COL17A1: variants seen among roughly 807,000 people sequenced by gnomAD.
COL17A1 encodes collagen alpha-1(XVII) chain.
A neutral mutation model predicts 218.4 loss-of-function variants in COL17A1; 181 were observed. The ratio of observed to expected loss-of-function variants is 0.83; its 90% CI spans 0.73 to 0.94. COL17A1 has a LOEUF of 0.94. Among genes scored for constraint, COL17A1 ranks in the 40% least tolerant of loss-of-function variants. COL17A1 has a pLI of 0.00. For missense variants in COL17A1, 1,924 were observed against 1,945.9 expected (o/e 0.99, Z 0.21); for synonymous variants, 721 against 731.0 (o/e 0.99, Z 0.22).
chr10:104,057,439 T>TAAAAAAAAA, intron 16 of COL17A1, among the ~76,000 whole-genome samples: 1 of 10,302 alleles, frequency 9.7e-5, no homozygotes, highest in Non-Finnish European at 7.8e-3. Flanking sequence ...AACATGGGGT[T>TAAAAAAAAA]AAAAGATTGC....
intron 9 of COL17A1, among the ~76,000 whole-genome samples, chr10:104,068,435 T>C (rs1209724478): frequency 3.3e-5 from 5 of 152,226 alleles, no homozygotes; most frequent in Admixed American, 1.3e-4. Context: ...ATGGCTATGC[T>C]GTCATTAATG....
intron 20 of COL17A1, 91 bp downstream of exon 20, chr10:104,054,890 A>C (rs764942228): frequency 1.0e-5 from 16 of 1,586,368 alleles, no homozygotes; most frequent in Non-Finnish European, 1.4e-5. Flanking sequence ...TACTTCTTGG[A>C]GTGCAAGGTG....
At chr10:104,032,347 T>C in intron 55 of COL17A1, 57 bp from the exon 56 acceptor site, 2 of 1,510,006 alleles carry the variant, frequency 1.3e-6, no homozygotes, top group South Asian at 2.2e-5. Flanking sequence ...TGTGGGGATC[T>C]TGGCTTGGGC....
At chr10:104,048,028 G>C (rs750589432) in intron 30 of COL17A1, 41 bp downstream of exon 30, 2 of 1,613,088 alleles carry the variant, frequency 1.2e-6, no homozygotes, top group Admixed American at 1.7e-5. Context: ...AACAGGGGCT[G>C]TGACGGGAGT....
intron 33 of COL17A1, 136 bp from the exon 34 acceptor site, chr10:104,043,996 G>T: frequency 2.1e-6 from 2 of 938,088 alleles, no homozygotes; most frequent in South Asian, 1.3e-5. Context: ...GCATTTTAAT[G>T]AACTGAAGGA....
At chr10:104,052,361 G>C (rs1409684706) in intron 23 of COL17A1, 144 bp from the exon 24 acceptor site, 20 of 991,024 alleles carry the variant, frequency 2.0e-5, no homozygotes, top group Non-Finnish European at 3.2e-5. Flanking sequence ...CCACTTATCA[G>C]CAAAACTCCT....
At position 104,055,600 on chromosome 10, in the gene COL17A1, G is replaced by T. The variant is rs114386946; in HGVS notation, c.1687+182C>A. 6.2e-3 allele frequency among the ~76,000 whole-genome samples: 949 copies of T among 152,232 alleles called. 11 individuals are homozygous for T. Among genetic ancestry groups the T allele is most frequent in the African/African-American group, 0.022 (924 of 41,526 alleles). On this transcript the variant is annotated intron_variant, in intron 18 of 55. Coordinates refer to ENST00000648076, the MANE Select transcript of COL17A1 (RefSeq NM_000494.4). ...TCTTTCCAGAACTCAGTTTTTCCAG[G>T]AGTAAAGTGGGACCACAGTCTTGGT...
In COL17A1 at chr10:104,031,344, T is replaced by C. The variant is rs955970553; in HGVS notation, c.*891A>G. On this transcript the variant is annotated 3_prime_UTR_variant, in exon 56 of 56. Coordinates refer to ENST00000648076, the MANE Select transcript of COL17A1 (RefSeq NM_000494.4). ...TTACGATTGAAATGATGTTTCATCT[T>C]ATAGACCACAAACAAATGTTTTTAG... 6.6e-6 allele frequency: 1 copy of C among 152,640 alleles called. No individual in the cohort carries two copies. Among genetic ancestry groups the C allele is most frequent in the Non-Finnish European group, 1.5e-5 (1 of 68,030 alleles). The allele number at this position is 152,640 out of a possible 1,614,324, so 9.5% of individuals were successfully genotyped here. A position where few individuals can be genotyped will look rare whatever the true frequency, so the allele number is the denominator to read the frequency against.
intron 20 of COL17A1, 47 bp from the exon 21 acceptor site, chr10:104,054,165 G>A (rs1483193375): frequency 2.5e-6 from 4 of 1,582,600 alleles, no homozygotes; most frequent in Non-Finnish European, 3.4e-6. Flanking sequence ...AGAAGACTGT[G>A]CCCAATTCCC....
chr10:104,065,136 C>T (rs1027942144), intron 9 of COL17A1, among the ~76,000 whole-genome samples: 1 of 152,186 alleles, frequency 6.6e-6, no homozygotes, highest in African/African-American at 2.4e-5. Context: ...TCCTATGTAC[C>T]AGCCAGACAC....
In COL17A1 at chr10:104,050,143, A is replaced by T. The variant is rs2086454060; in HGVS notation, c.2129-19T>A. 1 of 1,613,820 alleles carries T rather than the reference A, an allele frequency of 6.2e-7. No individual in the cohort carries two copies. The highest frequency in any genetic ancestry group is 8.5e-7 in the Non-Finnish European group (1 of 1,179,872). ...TGGTCACCTAAAGCAAACAAGGGGG[A>T]GGTGGAAAAAGCCACAGTTGTGAGC... On this transcript the variant is annotated intron_variant, in intron 27 of 55. Transcript: ENST00000648076.
intron 36 of COL17A1, among the ~76,000 whole-genome samples, chr10:104,042,217 T>C (rs753326860): frequency 1.3e-5 from 2 of 152,170 alleles, no homozygotes; most frequent in Non-Finnish European, 2.9e-5. Flanking sequence ...CCTGGTCCTC[T>C]TGTAATCCCA....
chr10:104,046,735 C>T lies in COL17A1; in HGVS notation c.2362+12G>A, dbSNP rs1353045839. The T allele has an allele frequency of 6.2e-7, 1 of 1,613,822 alleles. No individual in the cohort carries two copies. On this transcript the variant is annotated intron_variant, in intron 32 of 55. Transcript: ENST00000648076. ...GTGGGAGACAGCAGGTGGGAATGAT[C>T]CAGCGACTCACCCTGAGGTCCCTGG...
At position 104,049,406 on chromosome 10, in the gene COL17A1, T is replaced by A; in HGVS notation, c.2227+3A>T. 6.2e-7 allele frequency: 1 copy of A among 1,613,948 alleles called. No homozygotes were observed. The highest frequency in any genetic ancestry group is 2.2e-5 in the East Asian group (1 of 44,878). On this transcript the variant is annotated splice_donor_region_variant and intron_variant, in intron 29 of 55. Transcript: ENST00000648076. ...ACTGAATCCATTCCTTTGGAACACT[T>A]ACCCATTGCTCCTTTAGCCCCGGGC...
chr10:104,033,914 C>T (rs1837959540), intron 52 of COL17A1, 31 bp downstream of exon 52: 3 of 1,613,914 alleles, frequency 1.9e-6, no homozygotes, highest in East Asian at 2.2e-5. Context: ...CTCCTTCCCC[C>T]CAGCACCAAG....
intron 38 of COL17A1, 51 bp downstream of exon 38, chr10:104,041,252 C>T (rs1233565868): frequency 2.5e-6 from 4 of 1,600,354 alleles, no homozygotes; most frequent in South Asian, 1.1e-5. Context: ...CCCATTGCTA[C>T]CCACCTCTCA....
intron 11 of COL17A1, among the ~76,000 whole-genome samples, chr10:104,063,328 A>T (rs1185456853): frequency 6.6e-6 from 1 of 152,202 alleles, no homozygotes; most frequent in East Asian, 1.9e-4. Context: ...CAATATAGTT[A>T]CTCCAACAAA....
Position 104,064,520 on chromosome 10 carries a change from C to A in COL17A1, c.684G>T (p.Gly228=). The A allele has an allele frequency of 6.2e-7, 1 of 1,614,110 alleles. No homozygotes were observed. Among genetic ancestry groups the A allele is most frequent in the Non-Finnish European group, 8.5e-7 (1 of 1,180,026 alleles). ...TGTTGTGATAGGTCCCCATGGAGGA[C>A]CCCGCGGGCAGGGTGGAGGACCACA... ...SHVWSSTLPA[G]SSMGTYHNNM... Residue 228 remains glycine, a synonymous_variant, in exon 10 of 56, where the codon GGG becomes GGT. Coordinates refer to ENST00000648076, the MANE Select transcript of COL17A1 (RefSeq NM_000494.4).
rs777860088 is a variant in COL17A1, at chr10:104,043,523, G to A, written c.2493C>T (p.Pro831=). The part of the protein sequence containing the change: ...GPPGPPGAMG[P]PGPPGAPGPA... ...GACCTGGGGCACCTGGAGGTCCTGGGGGTCCCATGGCTCCAGGAGGTCCTG... is the reference window on the plus strand; with the variant it reads ...GACCTGGGGCACCTGGAGGTCCTGGAGGTCCCATGGCTCCAGGAGGTCCTG... The change falls in exon 35 of 56, where the codon CCC becomes CCT. Residue 831 remains proline, a synonymous_variant. Coordinates refer to ENST00000648076, the MANE Select transcript of COL17A1 (RefSeq NM_000494.4). 1 of 1,610,674 alleles carries A rather than the reference G, an allele frequency of 6.2e-7. No homozygotes were observed. The highest frequency in any genetic ancestry group is 8.5e-7 in the Non-Finnish European group (1 of 1,179,938).
Sources: allele counts gnomAD v4.1 joint callset (sites outside exome capture counted in the v4.1 genomes callset), GRCh38; gene constraint gnomAD v4.1.1; transcripts MANE v1.5; gene names NCBI Gene and HGNC (gene_info 2026-07-23, HGNC 2026-07-21).